Variants in DIAPH2 observed in about 807,000 individuals in gnomAD.
The protein encoded by DIAPH2 is protein diaphanous homolog 2.
Under a neutral mutation model 92.7 loss-of-function variants are expected in DIAPH2, and 35 were observed. The observed-to-expected ratio is 0.38, with a 90% confidence interval of 0.29 to 0.50. DIAPH2 has a LOEUF of 0.50. Among genes scored for constraint, DIAPH2 ranks in the 20% least tolerant of loss-of-function variants. The probability of loss-of-function intolerance (pLI) is 0.94; values close to 1 mark genes in which losing one functional copy is unlikely to be tolerated. For synonymous variants in DIAPH2, 301 were observed against 280.4 expected, an observed-to-expected ratio of 1.07 and a Z score of -0.73; for missense variants, 701 against 819.5, an observed-to-expected ratio of 0.86 and a Z score of 1.77.
At chrX:96,853,424 C>T (rs1170016367) in intron 4 of DIAPH2, among the ~76,000 whole-genome samples, 1 of 111,623 alleles carries the variant, frequency 9.0e-6, no homozygotes, top group Non-Finnish European at 1.9e-5. Flanking sequence ...TTTTATAGCT[C>T]ACATCCCTAT....
chrX:97,212,866 GT>G (rs1569331272), intron 22 of DIAPH2, among the ~76,000 whole-genome samples: 1 of 111,546 alleles, frequency 9.0e-6, no homozygotes, highest in East Asian at 2.8e-4. Context: ...ATACTCAGGA[GT>G]ATGTGATTTA....
chrX:97,373,946 A>G (rs1320770896), intron 24 of DIAPH2, among the ~76,000 whole-genome samples: 2 of 111,076 alleles, frequency 1.8e-5, no homozygotes, highest in Admixed American at 1.9e-4. Context: ...TGTAAAGATG[A>G]GGAGCGAGGG....
chrX:96,873,848 A>T (rs1039281107), intron 4 of DIAPH2, among the ~76,000 whole-genome samples: 8 of 110,990 alleles, frequency 7.2e-5, no homozygotes, highest in African/African-American at 2.6e-4. Flanking sequence ...ATTGGGGGAA[A>T]AGGGATCTCT....
intron 4 of DIAPH2, among the ~76,000 whole-genome samples, chrX:96,792,584 T>C (rs751041380): frequency 1.2e-4 from 13 of 112,389 alleles, no homozygotes; most frequent in East Asian, 2.8e-4. Flanking sequence ...GAGGGTTTTA[T>C]TTTTTATTTT....
At chrX:97,080,031 C>T (rs1399956923) in intron 19 of DIAPH2, among the ~76,000 whole-genome samples, 1 of 111,408 alleles carries the variant, frequency 9.0e-6, no homozygotes, top group Non-Finnish European at 1.9e-5. Context: ...TCTCTGTCTC[C>T]CTTATAAGGG....
At chrX:96,723,130 C>A (rs999542628) in intron 1 of DIAPH2, among the ~76,000 whole-genome samples, 2 of 111,630 alleles carry the variant, frequency 1.8e-5, no homozygotes, top group Non-Finnish European at 3.8e-5. Context: ...GTGTATAGTT[C>A]ATGAAATTTG....
At chrX:97,219,483 G>T (rs1350964595) in intron 22 of DIAPH2, among the ~76,000 whole-genome samples, 4 of 111,590 alleles carry the variant, frequency 3.6e-5, no homozygotes, top group Admixed American at 1.9e-4. Context: ...TCCTACTTTA[G>T]AAAGTTTGAA....
chrX:97,236,533 T>A (rs901608255), intron 22 of DIAPH2, among the ~76,000 whole-genome samples: 1 of 109,607 alleles, frequency 9.1e-6, no homozygotes, highest in Non-Finnish European at 1.9e-5. Flanking sequence ...TTTTCCTTTT[T>A]TTTTCATTTT....
At chrX:97,063,033 C>CAA (rs56405925) in intron 17 of DIAPH2, among the ~76,000 whole-genome samples, 735 of 57,363 alleles carry the variant, frequency 0.013, 19 homozygotes, top group African/African-American at 0.048. Context: ...AACTCTGTCT[C>CAA]AAAAAAAAAA....
rs186263199 is a variant in DIAPH2, at chrX:96,892,145, G to A, written c.587+10427G>A. Among the ~76,000 whole-genome samples the A allele has an allele frequency of 3.5e-4, 39 of 111,617 alleles. 1 individual carries two copies. Among genetic ancestry groups the A allele is most frequent in the African/African-American group, 6.2e-4 (19 of 30,886 alleles). On this transcript the variant is annotated intron_variant, in intron 5 of 26. Transcript: ENST00000324765. ...TTAAACTTATTAAAAGCTTGGCAAA[G>A]CGGCCAACAGTACTTAGAAAGTTAA...
chrX:97,537,038 A>G (rs2147854201), intron 26 of DIAPH2, among the ~76,000 whole-genome samples: 1 of 111,848 alleles, frequency 8.9e-6, no homozygotes, highest in Non-Finnish European at 1.9e-5. Context: ...GTAAAACTGA[A>G]TTATATGGAC....
chrX:96,889,527 G>A (rs942430844), intron 5 of DIAPH2, among the ~76,000 whole-genome samples: 4 of 111,721 alleles, frequency 3.6e-5, no homozygotes, highest in Admixed American at 9.6e-5. Flanking sequence ...TCAATAAATA[G>A]CACTTAATAT....
intron 26 of DIAPH2, among the ~76,000 whole-genome samples, chrX:97,593,990 G>C (rs1382337951): frequency 9.0e-6 from 1 of 111,274 alleles, no homozygotes; most frequent in Non-Finnish European, 1.9e-5. Context: ...CTGCCAATTG[G>C]ATTTAAATTA....
At chrX:96,845,335 C>G (rs1039516345) in intron 4 of DIAPH2, among the ~76,000 whole-genome samples, 8 of 112,195 alleles carry the variant, frequency 7.1e-5, no homozygotes, top group Non-Finnish European at 1.1e-4. Flanking sequence ...GCCATAGACA[C>G]TAGATGACTA....
At chrX:97,342,212 G>A (rs747651777) in intron 23 of DIAPH2, among the ~76,000 whole-genome samples, 17 of 112,280 alleles carry the variant, frequency 1.5e-4, no homozygotes, top group African/African-American at 3.9e-4. Flanking sequence ...CTCAGTAAAT[G>A]AGTTTTGCTG....
In DIAPH2 at chrX:97,047,492, G is replaced by A. The variant is rs762649612; in HGVS notation, c.2051-25449G>A. Among the ~76,000 whole-genome samples the A allele has an allele frequency of 5.6e-3, 475 of 85,512 alleles. 5 individuals are homozygous for A. Among genetic ancestry groups the A allele is most frequent in the African/African-American group, 0.022 (453 of 20,763 alleles). 74.3% of individuals were successfully genotyped at this position (85,512 alleles called of 115,157 possible). A position where few individuals can be genotyped will look rare whatever the true frequency, so the allele number is the denominator to read the frequency against. ...ATATATATATATAATTATAATCTGT[G>A]TTAAACACTTCAGATATACAAGTTA... On this transcript the variant is annotated intron_variant, in intron 17 of 26. Transcript: ENST00000324765.
chrX:97,049,068 A>G (rs1005376095), intron 17 of DIAPH2, among the ~76,000 whole-genome samples: 2 of 111,039 alleles, frequency 1.8e-5, no homozygotes, highest in African/African-American at 6.5e-5. Flanking sequence ...TTTTAAGTTA[A>G]CAGACAACAA....
intron 21 of DIAPH2, among the ~76,000 whole-genome samples, chrX:97,131,817 C>T (rs1314950129): frequency 8.9e-6 from 1 of 111,880 alleles, no homozygotes; most frequent in East Asian, 2.8e-4. Flanking sequence ...ATGAAAGTAC[C>T]AGAACAGCTT....
At chrX:97,570,136 AG>A (rs2071360503) in intron 26 of DIAPH2, among the ~76,000 whole-genome samples, 4 of 76,093 alleles carry the variant, frequency 5.3e-5, no homozygotes, top group Admixed American at 3.1e-4. Flanking sequence ...GAAGATAGAT[AG>A]ATAGATAGAT....
Sources: allele counts gnomAD v4.1 joint callset (sites outside exome capture counted in the v4.1 genomes callset), GRCh38; gene constraint gnomAD v4.1.1; transcripts MANE v1.5; gene names NCBI Gene and HGNC (gene_info 2026-07-23, HGNC 2026-07-21).